The following DLGAP2 variants were observed in gnomAD, a reference collection of about 807,000 sequenced individuals.
DLGAP2 encodes the protein disks large-associated protein 2.
In DLGAP2, 26 loss-of-function variants were observed where a neutral mutation model predicts 100.3. The observed-to-expected ratio is 0.26, with a 90% CI of 0.19 to 0.36. DLGAP2 has a LOEUF of 0.36. Ranked by LOEUF, DLGAP2 falls within the 10% of genes least tolerant of loss-of-function variation. The pLI is 1.00. For synonymous variants in DLGAP2, 886 were observed against 630.1 expected, an observed-to-expected ratio of 1.41 and a Z score of -6.08; for missense variants, 1,858 against 1,453.2, an observed-to-expected ratio of 1.28 and a Z score of -4.53.
intron 4 of DLGAP2, among the ~76,000 whole-genome samples, chr8:1,504,705 T>C (rs1164263872): frequency 2.6e-5 from 4 of 152,244 alleles, no homozygotes; most frequent in Admixed American, 6.5e-5. Context: ...ATCTATGTTG[T>C]TGCAAATGCT....
At chr8:1,581,477 T>TAC (rs1168215966) in intron 6 of DLGAP2, among the ~76,000 whole-genome samples, 1 of 143,846 alleles carries the variant, frequency 7.0e-6, no homozygotes, top group African/African-American at 2.6e-5. Flanking sequence ...TCCACACATA[T>TAC]ATACACCACA....
chr8:927,698 G>C (rs1013504774), intron 2 of DLGAP2, among the ~76,000 whole-genome samples: 1 of 152,174 alleles, frequency 6.6e-6, no homozygotes, highest in African/African-American at 2.4e-5. Context: ...ACACCAGGGA[G>C]GGACAGAGGT....
At chr8:983,093 G>C (rs7013279) in intron 2 of DLGAP2, among the ~76,000 whole-genome samples, 1 of 152,164 alleles carries the variant, frequency 6.6e-6, no homozygotes, top group African/African-American at 2.4e-5. Flanking sequence ...GAACTTACCC[G>C]ATGGACCTGA....
chr8:1,632,089 CAG>C (rs1345541651), intron 7 of DLGAP2, among the ~76,000 whole-genome samples: 6 of 141,474 alleles, frequency 4.2e-5, no homozygotes, highest in Admixed American at 3.6e-4. Flanking sequence ...GAAAGAGAGA[CAG>C]GGGAGGAAGG....
intron 4 of DLGAP2, among the ~76,000 whole-genome samples, chr8:1,511,698 C>T (rs1349556723): frequency 4.0e-5 from 6 of 151,244 alleles, no homozygotes; most frequent in African/African-American, 1.5e-4. Context: ...AGATGACCAT[C>T]TTCCATGGAC....
intron 1 of DLGAP2, among the ~76,000 whole-genome samples, chr8:877,993 C>T (rs545091065): frequency 6.6e-6 from 1 of 152,336 alleles, no homozygotes; most frequent in South Asian, 2.1e-4. Flanking sequence ...ATTTTCGTAG[C>T]TTCTCTTGAA....
chr8:1,549,182 G>T lies in DLGAP2; in HGVS notation c.729G>T (p.Ser243=). The change falls in exon 5 of 15, where the codon TCG becomes TCT. Residue 243 remains serine, a synonymous_variant. Transcript: ENST00000637795. ...CCGTGCAGAAGCTCTTCACCAAGTC[G>T]CACTCGCTGGAGGGCTCCTCCAAAA... The part of the protein sequence containing the change: ...VHSVQKLFTK[S]HSLEGSSKSN... 1 of 1,598,464 alleles carries T rather than the reference G, an allele frequency of 6.3e-7. No individual in the cohort carries two copies. The highest frequency in any genetic ancestry group is 8.5e-7 in the Non-Finnish European group (1 of 1,173,492).
intron 3 of DLGAP2, among the ~76,000 whole-genome samples, chr8:1,455,035 GA>G (rs1798267402): frequency 6.6e-6 from 1 of 152,150 alleles, no homozygotes; most frequent in African/African-American, 2.4e-5. Flanking sequence ...GGGGTCTGGG[GA>G]GGGGGGGATA....
chr8:1,470,259 G>T (rs1366537319), intron 3 of DLGAP2, among the ~76,000 whole-genome samples: 1 of 152,152 alleles, frequency 6.6e-6, no homozygotes, highest in Non-Finnish European at 1.5e-5. Flanking sequence ...ACTGTCGCCT[G>T]TGTTAAGTCC....
Position 1,627,948 on chromosome 8 carries a change from C to T in DLGAP2, c.1590+1061C>T, listed in dbSNP as rs111476284. On this transcript the variant is annotated intron_variant, in intron 7 of 14. Transcript: ENST00000637795. ...TTACTGTGGAGCAGGGATTAAGAGCCTGAGCTGACCTCACATTCTCTCTGA... is the reference window on the plus strand; with the variant it reads ...TTACTGTGGAGCAGGGATTAAGAGCTTGAGCTGACCTCACATTCTCTCTGA... 3.3e-3 allele frequency among the ~76,000 whole-genome samples: 446 copies of T among 133,936 alleles called. 1 individual carries two copies. Among genetic ancestry groups the T allele is most frequent in the African/African-American group, 0.014 (420 of 30,834 alleles). 87.9% of individuals were successfully genotyped at this position (133,936 alleles called of 152,430 possible).
intron 2 of DLGAP2, among the ~76,000 whole-genome samples, chr8:1,000,656 T>C (rs1414612173): frequency 6.6e-6 from 1 of 152,246 alleles, no homozygotes; most frequent in East Asian, 1.9e-4. Context: ...TCCTCTTGGT[T>C]ATGAACTGTC....
rs1228284225 is a variant in DLGAP2, at chr8:998,149, AAC to A, written c.73+90189_73+90190del. Among the ~76,000 whole-genome samples, 8 of 152,160 alleles carry A rather than the reference AAC, an allele frequency of 5.3e-5. No homozygotes were observed. In the East Asian group the frequency reaches 5.8e-4, roughly 11 times the overall value. ...AACATGCATACACATGTGCATACAC[AAC>A]ACACATACACACATGTATACACACA... On this transcript the variant is annotated intron_variant, in intron 2 of 14. Transcript: ENST00000637795.
rs202044396 is a variant in DLGAP2 at position 1,464,219 on chromosome 8, C to T, written c.107-37147C>T. Among the ~76,000 whole-genome samples, 351 of 116,864 alleles carry T rather than the reference C, an allele frequency of 3.0e-3. 1 individual carries two copies. The East Asian group carries it at 0.037, about 12-fold the overall frequency. The allele number at this position is 116,864 out of a possible 152,430, so 76.7% of individuals were successfully genotyped here. A position where few individuals can be genotyped will look rare whatever the true frequency, so the allele number is the denominator to read the frequency against. ...CTTCCAGGACAACACCCTTCCAGGA[C>T]GGCTCCCTTCCAGGACGACACCCTT... On this transcript the variant is annotated intron_variant, in intron 3 of 14. Coordinates refer to ENST00000637795, the MANE Select transcript of DLGAP2 (RefSeq NM_001346810.2).
chr8:1,663,498 A>G (rs1255692687), intron 8 of DLGAP2, among the ~76,000 whole-genome samples: 1 of 152,150 alleles, frequency 6.6e-6, no homozygotes, highest in Non-Finnish European at 1.5e-5. Context: ...CAGTTTCTCC[A>G]AGATCACATG....
chr8:1,074,378 G>C (rs1803537088), intron 2 of DLGAP2, among the ~76,000 whole-genome samples: 1 of 152,196 alleles, frequency 6.6e-6, no homozygotes, highest in African/African-American at 2.4e-5. Context: ...TCACAGAAGG[G>C]TTTGCAGCAC....
chr8:908,962 G>C (rs532890509), intron 2 of DLGAP2, among the ~76,000 whole-genome samples: 1 of 150,472 alleles, frequency 6.6e-6, no homozygotes, highest in Non-Finnish European at 1.5e-5. Flanking sequence ...TCACCACTAA[G>C]AATGATGGTA....
intron 3 of DLGAP2, among the ~76,000 whole-genome samples, chr8:1,308,859 C>A (rs1486436633): frequency 6.6e-6 from 1 of 152,010 alleles, no homozygotes; most frequent in African/African-American, 2.4e-5. Flanking sequence ...CTTAAATATG[C>A]CCCAAAACTA....
intron 2 of DLGAP2, among the ~76,000 whole-genome samples, chr8:1,239,952 G>A (rs1209600081): frequency 2.1e-5 from 3 of 139,662 alleles, no homozygotes; most frequent in African/African-American, 8.2e-5. Context: ...ATGTTGCCGT[G>A]TCTAGTTCTC....
chr8:1,171,963 A>C (rs1268754981), intron 2 of DLGAP2, among the ~76,000 whole-genome samples: 1 of 151,894 alleles, frequency 6.6e-6, no homozygotes, highest in African/African-American at 2.4e-5. Context: ...TAGTTGATGC[A>C]GTTTCTTCCT....
Sources: allele counts gnomAD v4.1 joint callset (sites outside exome capture counted in the v4.1 genomes callset), GRCh38; gene constraint gnomAD v4.1.1; transcripts MANE v1.5; gene names NCBI Gene and HGNC (gene_info 2026-07-23, HGNC 2026-07-21).